DLGAP1: variants seen among roughly 807,000 people sequenced by gnomAD.
DLGAP1 encodes the protein disks large-associated protein 1.
DLGAP1 carries 11 observed loss-of-function variants against 90.8 expected under a neutral mutation model. The ratio of observed to expected loss-of-function variants is 0.12; its 90% CI spans 0.08 to 0.20. The LOEUF (loss-of-function observed/expected upper bound fraction) is 0.20, where lower values mean the gene tolerates loss of function less well. Ranked by LOEUF, DLGAP1 falls within the 10% of genes least tolerant of loss-of-function variation. DLGAP1 has a pLI of 1.00. For synonymous variants in DLGAP1, 558 were observed against 540.7 expected (o/e 1.03, Z -0.44); for missense variants, 1,050 against 1,333.8 (o/e 0.79, Z 3.31).
At chr18:3,671,251 T>C (rs1224380010) in intron 7 of DLGAP1, among the ~76,000 whole-genome samples, 1 of 152,124 alleles carries the variant, frequency 6.6e-6, no homozygotes, top group African/African-American at 2.4e-5. Context: ...TTTATTTTCT[T>C]TGATCACACA....
At chr18:3,640,736 A>G (rs1295867970) in intron 7 of DLGAP1, among the ~76,000 whole-genome samples, 6 of 152,250 alleles carry the variant, frequency 3.9e-5, no homozygotes, top group African/African-American at 1.4e-4. Context: ...TGTGCTTTAC[A>G]GCAAACCTTA....
intron 7 of DLGAP1, among the ~76,000 whole-genome samples, chr18:3,601,207 C>T (rs546862614): frequency 3.9e-5 from 6 of 152,072 alleles, no homozygotes; most frequent in Non-Finnish European, 5.9e-5. Context: ...CCACCTCAGC[C>T]ACCCAAGTAG....
intron 1 of DLGAP1, among the ~76,000 whole-genome samples, chr18:4,315,318 G>C (rs183070891): frequency 1.7e-4 from 26 of 152,300 alleles, no homozygotes; most frequent in African/African-American, 5.8e-4. Context: ...ATACACTTTT[G>C]ACTGATAATA....
intron 5 of DLGAP1, among the ~76,000 whole-genome samples, chr18:3,751,883 C>CTTT (rs759513286): frequency 7.1e-5 from 8 of 112,418 alleles, no homozygotes; most frequent in East Asian, 2.8e-4. Context: ...TCTTCTTCTT[C>CTTT]TTTTTTTTTT....
At position 4,032,965 on chromosome 18, in the gene DLGAP1, A is replaced by T. The variant is rs150330025; in HGVS notation, c.-158-27764T>A. Reference sequence around the variant, plus strand: ...TGAATTAATGACAGAAAGCATGAATAAATGAATGAATATTATTGTAAGCTA... The same window carrying T: ...TGAATTAATGACAGAAAGCATGAATTAATGAATGAATATTATTGTAAGCTA... On this transcript the variant is annotated intron_variant, in intron 2 of 12. Coordinates refer to ENST00000315677, the MANE Select transcript of DLGAP1 (RefSeq NM_004746.4). 3.7e-3 allele frequency among the ~76,000 whole-genome samples: 571 copies of T among 152,328 alleles called. 4 individuals carry two copies. The highest frequency in any genetic ancestry group is 0.013 in the African/African-American group (543 of 41,572).
intron 4 of DLGAP1, among the ~76,000 whole-genome samples, chr18:3,860,481 T>C (rs897732589): frequency 1.3e-5 from 2 of 152,204 alleles, no homozygotes; most frequent in African/African-American, 2.4e-5. Flanking sequence ...CAGATAGACA[T>C]GAAATATCTC....
At chr18:3,748,392 G>A (rs934787867) in intron 5 of DLGAP1, among the ~76,000 whole-genome samples, 1 of 152,208 alleles carries the variant, frequency 6.6e-6, no homozygotes, top group Non-Finnish European at 1.5e-5. Flanking sequence ...ACATATTACT[G>A]GAAATAACTT....
rs1350596504 is a variant in DLGAP1 at position 3,672,245 on chromosome 18, C to G, written c.1591+56890G>C. Among the ~76,000 whole-genome samples the G allele has an allele frequency of 1.1e-3, 156 of 144,844 alleles. 3 individuals carry two copies. Among genetic ancestry groups the G allele is most frequent in the Non-Finnish European group, 1.5e-4 (10 of 65,342 alleles). On this transcript the variant is annotated intron_variant, in intron 7 of 12. Coordinates refer to ENST00000315677, the MANE Select transcript of DLGAP1 (RefSeq NM_004746.4). ...ACACACACACACACACACACAGAGG[C>G]AAGAATTTGCTCTTTGGCTTCTACT... is the stretch of plus-strand genomic sequence containing the variant.
intron 1 of DLGAP1, among the ~76,000 whole-genome samples, chr18:4,273,230 T>C (rs1299724965): frequency 1.3e-5 from 2 of 152,166 alleles, no homozygotes; most frequent in Non-Finnish European, 2.9e-5. Flanking sequence ...CAATCATTTG[T>C]TAACCTCTCA....
At position 4,317,886 on chromosome 18, in the gene DLGAP1, G is replaced by A. The variant is rs150851063; in HGVS notation, c.-267+137120C>T. Among the ~76,000 whole-genome samples, 23 of 152,180 alleles carry A rather than the reference G, an allele frequency of 1.5e-4. No homozygotes were observed. In the East Asian group the frequency reaches 2.7e-3, roughly 18 times the overall value. On this transcript the variant is annotated intron_variant, in intron 1 of 12. Transcript: ENST00000315677. ...TTTTGAGACAGAATCTCACTCTGTC[G>A]GCCAGAATGTGAGTGCAGTGGTGTG...
At chr18:3,631,580 C>T (rs951154219) in intron 7 of DLGAP1, among the ~76,000 whole-genome samples, 1 of 151,930 alleles carries the variant, frequency 6.6e-6, no homozygotes, top group Non-Finnish European at 1.5e-5. Context: ...GACCTTGACT[C>T]TACAAATAGT....
At chr18:3,536,069 C>G (rs1437766210) in intron 9 of DLGAP1, among the ~76,000 whole-genome samples, 1 of 151,862 alleles carries the variant, frequency 6.6e-6, no homozygotes, top group Non-Finnish European at 1.5e-5. Flanking sequence ...CATAACCTAA[C>G]CTGGACCAAA....
chr18:3,759,693 G>A (rs2147894440), intron 5 of DLGAP1, among the ~76,000 whole-genome samples: 1 of 152,334 alleles, frequency 6.6e-6, no homozygotes, highest in East Asian at 1.9e-4. Context: ...AGATGAACAT[G>A]CAGAACTGAC....
At chr18:3,771,772 T>C (rs1402933411) in intron 5 of DLGAP1, among the ~76,000 whole-genome samples, 1 of 151,878 alleles carries the variant, frequency 6.6e-6, no homozygotes. Context: ...GCTCTGGGTC[T>C]AACTAGCTAG....
intron 5 of DLGAP1, chr18:3,771,479 T>C (rs1161405183): frequency 6.6e-6 from 1 of 151,978 alleles, no homozygotes; most frequent in Non-Finnish European, 1.5e-5. Flanking sequence ...CGGGGGCGGG[T>C]GGCGGCGTCA....
At chr18:4,081,660 A>C (rs1293398020) in intron 2 of DLGAP1, among the ~76,000 whole-genome samples, 1 of 152,204 alleles carries the variant, frequency 6.6e-6, no homozygotes, top group African/African-American at 2.4e-5. Flanking sequence ...TCATTAACTT[A>C]ACTCATATTG....
chr18:3,530,837 C>A (rs2051943944), intron 10 of DLGAP1, among the ~76,000 whole-genome samples: 1 of 152,142 alleles, frequency 6.6e-6, no homozygotes, highest in South Asian at 2.1e-4. Flanking sequence ...TATGAAGAAG[C>A]AAAGGAAACC....
intron 5 of DLGAP1, among the ~76,000 whole-genome samples, chr18:3,797,654 G>A (rs1002994737): frequency 2.0e-5 from 3 of 152,186 alleles, no homozygotes; most frequent in East Asian, 1.9e-4. Context: ...GTTTTAAAGC[G>A]GGAGGGAGGG....
At chr18:3,754,245 T>C (rs1450155053) in intron 5 of DLGAP1, among the ~76,000 whole-genome samples, 1 of 152,080 alleles carries the variant, frequency 6.6e-6, no homozygotes, top group African/African-American at 2.4e-5. Context: ...CCAAGCAATC[T>C]GCCTGCCTCT....
Sources: allele counts gnomAD v4.1 joint callset (sites outside exome capture counted in the v4.1 genomes callset), GRCh38; gene constraint gnomAD v4.1.1; transcripts MANE v1.5; gene names NCBI Gene and HGNC (gene_info 2026-07-23, HGNC 2026-07-21).